Variants in SDK1 observed in about 807,000 individuals in gnomAD.
SDK1 encodes sidekick cell adhesion molecule 1.
Under a neutral mutation model 245.5 loss-of-function variants are expected in SDK1, and 157 were observed. That is an observed-to-expected ratio of 0.64 (90% CI 0.56 to 0.73). The LOEUF (loss-of-function observed/expected upper bound fraction) is 0.73, where lower values mean the gene tolerates loss of function less well. Among genes scored for constraint, SDK1 ranks in the 30% least tolerant of loss-of-function variants. The pLI, the probability that SDK1 is intolerant of heterozygous loss-of-function variation, is 0.00. For missense variants in SDK1, 3,583 were observed against 3,002.3 expected, an observed-to-expected ratio of 1.19 and a Z score of -4.52; for synonymous variants, 1,647 against 1,278.5, an observed-to-expected ratio of 1.29 and a Z score of -6.15.
At chr7:4,004,517 G>A (rs921770401) in intron 14 of SDK1, among the ~76,000 whole-genome samples, 1 of 152,098 alleles carries the variant, frequency 6.6e-6, no homozygotes, top group African/African-American at 2.4e-5. Context: ...AATTACAACA[G>A]TTATAAAATG....
chr7:3,372,449 C>T (rs932468082), intron 1 of SDK1, among the ~76,000 whole-genome samples: 1 of 152,132 alleles, frequency 6.6e-6, no homozygotes, highest in Admixed American at 6.6e-5. Context: ...ATAAATTGAA[C>T]TTAATCAAAA....
chr7:3,745,025 A>G lies in SDK1; in HGVS notation c.714-76425A>G, dbSNP rs114659083. Among the ~76,000 whole-genome samples, 506 of 152,336 alleles carry G rather than the reference A, an allele frequency of 3.3e-3. 7 individuals are homozygous for G. Among genetic ancestry groups the G allele is most frequent in the African/African-American group, 0.012 (491 of 41,582 alleles). On this transcript the variant is annotated intron_variant, in intron 4 of 44. Coordinates refer to ENST00000404826, the MANE Select transcript of SDK1 (RefSeq NM_152744.4). ...CAGGTATCAGATTAAACCGGCCTCC[A>G]TGTGATGATCATCTGTTAGCTTTAG...
intron 4 of SDK1, among the ~76,000 whole-genome samples, chr7:3,790,093 G>C (rs1193615038): frequency 6.6e-6 from 1 of 152,140 alleles, no homozygotes; most frequent in African/African-American, 2.4e-5. Flanking sequence ...GTGTAGCAGA[G>C]TGGGAGGTGA....
intron 13 of SDK1, among the ~76,000 whole-genome samples, chr7:3,979,587 G>T (rs748764944): frequency 2.0e-4 from 30 of 152,130 alleles, no homozygotes; most frequent in Non-Finnish European, 4.1e-4. Context: ...ACCAATTTAG[G>T]AGGGCTCTGC....
intron 1 of SDK1, among the ~76,000 whole-genome samples, chr7:3,583,259 A>C (rs1780571442): frequency 6.6e-6 from 1 of 152,216 alleles, no homozygotes; most frequent in South Asian, 2.1e-4. Context: ...CTAAAATAAC[A>C]TTCTCCATCT....
chr7:4,086,419 G>A (rs544868208), intron 22 of SDK1, among the ~76,000 whole-genome samples: 60 of 152,184 alleles, frequency 3.9e-4, no homozygotes, highest in Non-Finnish European at 6.9e-4. Flanking sequence ...GAAGCTCTGG[G>A]GATGAGTCAG....
chr7:4,175,788 C>G lies in SDK1; in HGVS notation c.4950C>G (p.Phe1650Leu), dbSNP rs138039675. 27 of 1,613,980 alleles carry G rather than the reference C, an allele frequency of 1.7e-5. No homozygotes were observed. In the African/African-American group the frequency reaches 2.5e-4, roughly 15 times the overall value. The stretch of plus-strand genomic sequence containing the variant: ...TTACCCCAATAGCCCAAAGCAGCTT[C>G]AAGACGGTGAACAGCAGCTCCACAT... ...LHAELTAQSS[F>L]KTVNSSSTST... The change falls in exon 34 of 45, where the codon TTC becomes TTG. Residue 1650 changes from phenylalanine (F) to leucine (L), a missense_variant. Phe to Leu is a conservative substitution (Grantham distance 22). Transcript: ENST00000404826.
At chr7:4,248,117 C>G (rs80144113) in intron 44 of SDK1, among the ~76,000 whole-genome samples, 7 of 152,078 alleles carry the variant, frequency 4.6e-5, no homozygotes, top group Non-Finnish European at 8.8e-5. Flanking sequence ...TGAGCACACC[C>G]GTGAACTGAG....
At chr7:4,057,949 T>G (rs1779302333) in intron 19 of SDK1, among the ~76,000 whole-genome samples, 1 of 152,130 alleles carries the variant, frequency 6.6e-6, no homozygotes, top group Non-Finnish European at 1.5e-5. Flanking sequence ...AAGAAGCAAC[T>G]GTTACACCAG....
chr7:3,586,651 G>C (rs1165685362), intron 1 of SDK1, among the ~76,000 whole-genome samples: 1 of 150,378 alleles, frequency 6.6e-6, no homozygotes, highest in African/African-American at 2.4e-5. Context: ...GTTGCAGTGA[G>C]CTGAGATCGT....
chr7:4,044,868 G>A (rs904160048), intron 17 of SDK1, among the ~76,000 whole-genome samples: 3 of 152,124 alleles, frequency 2.0e-5, no homozygotes, highest in East Asian at 1.9e-4. Flanking sequence ...ATTCACCAGC[G>A]TGACGGAGAT....
chr7:3,920,294 G>C (rs1583565728), intron 5 of SDK1, among the ~76,000 whole-genome samples: 1 of 152,156 alleles, frequency 6.6e-6, no homozygotes, highest in African/African-American at 2.4e-5. Context: ...GCAGCATGTA[G>C]ACCAATCTGA....
In SDK1 at chr7:4,245,699, G is replaced by A; in HGVS notation, c.6275G>A (p.Gly2092Asp). The A allele has an allele frequency of 6.2e-7, 1 of 1,613,998 alleles. No homozygotes were observed. The highest frequency in any genetic ancestry group is 1.1e-5 in the South Asian group (1 of 91,082). ...GTRSPPRPSP[G>D]GLHYSDEDIC... ...AGGTCCCCACCCCGGCCTAGCCCCG[G>A]CGGCCTGCACTACTCAGACGAGGAC... Residue 2092 changes from glycine (G) to aspartate (D), a missense_variant, in exon 44 of 45, where the codon GGC (glycine) becomes GAC (aspartate). By Grantham distance (94) the Gly-to-Asp change is moderately conservative (BLOSUM62 -1). Transcript: ENST00000404826.
At chr7:3,530,614 A>G (rs1783310475) in intron 1 of SDK1, among the ~76,000 whole-genome samples, 1 of 152,238 alleles carries the variant, frequency 6.6e-6, no homozygotes, top group African/African-American at 2.4e-5. Context: ...TATTTGTGAT[A>G]ACATTAAAAA....
intron 1 of SDK1, among the ~76,000 whole-genome samples, chr7:3,403,869 A>ATATATATTTATTTATATT (rs1554266408): frequency 3.4e-5 from 3 of 88,902 alleles, no homozygotes; most frequent in Non-Finnish European, 6.7e-5. Context: ...ATATATATAT[A>ATATATATTTATTTATATT]ATATATATAT....
intron 4 of SDK1, among the ~76,000 whole-genome samples, chr7:3,737,802 C>G (rs899899211): frequency 2.0e-5 from 3 of 152,222 alleles, no homozygotes; most frequent in Non-Finnish European, 1.5e-5. Context: ...CCACCTTAGG[C>G]TCTCTTTTTC....
At chr7:4,074,830 T>C (rs1779335032) in intron 20 of SDK1, among the ~76,000 whole-genome samples, 1 of 134,948 alleles carries the variant, frequency 7.4e-6, no homozygotes, top group African/African-American at 2.9e-5. Flanking sequence ...CCCACTGCAC[T>C]CCAGCCTGGG....
In SDK1 at chr7:3,908,204, C is replaced by G. The variant is rs368663245; in HGVS notation, c.848-42719C>G. On this transcript the variant is annotated intron_variant, in intron 5 of 44. Transcript: ENST00000404826. ...CACAGAATGGGCCGTGCGCATAACC[C>G]GGATGAGCGCCTTGTGTCCCGCTCA... Among the ~76,000 whole-genome samples, 627 of 152,290 alleles carry G rather than the reference C, an allele frequency of 4.1e-3. 10 individuals are homozygous for G. Among genetic ancestry groups the G allele is most frequent in the African/African-American group, 0.015 (613 of 41,556 alleles).
chr7:3,959,953 G>C (rs908433465), intron 8 of SDK1, among the ~76,000 whole-genome samples: 3 of 152,164 alleles, frequency 2.0e-5, no homozygotes, highest in Admixed American at 2.0e-4. Flanking sequence ...AGACAGGCTT[G>C]TCAAGGCAGT....
Sources: gnomAD v4.1 joint callset for allele counts (sites outside exome capture counted in the v4.1 genomes callset) on GRCh38, gnomAD v4.1.1 for gene constraint, MANE v1.5 for transcripts, NCBI Gene and HGNC (gene_info 2026-07-23, HGNC 2026-07-21) for gene names.